SDK2: variants seen among roughly 807,000 people sequenced by gnomAD.
SDK2 encodes protein sidekick-2.
In SDK2, 105 loss-of-function variants were observed where a neutral mutation model predicts 253.9. The observed-to-expected ratio is 0.41, with a 90% confidence interval of 0.35 to 0.49. The LOEUF is 0.49. SDK2 is among the 20% of genes least tolerant of loss of function. The pLI, the probability that SDK2 is intolerant of heterozygous loss-of-function variation, is 0.06. For missense variants in SDK2, 2,608 were observed against 3,003.0 expected (o/e 0.87, Z 3.07); for synonymous variants, 1,249 against 1,234.9 (o/e 1.01, Z -0.24).
intron 26 of SDK2, among the ~76,000 whole-genome samples, 181 bp downstream of exon 26, chr17:73,394,025 GCCT>G (rs1479834942): frequency 6.6e-6 from 1 of 152,210 alleles, no homozygotes. Flanking sequence ...CTTTCTGGGT[GCCT>G]CCTCACCCAC....
intron 1 of SDK2, among the ~76,000 whole-genome samples, chr17:73,573,712 G>A (rs1242171956): frequency 2.0e-5 from 3 of 152,236 alleles, no homozygotes; most frequent in Non-Finnish European, 2.9e-5. Context: ...CCACATGGCA[G>A]CCAGAGGGAT....
intron 39 of SDK2, 132 bp from the exon 40 acceptor site, chr17:73,358,336 A>G: frequency 8.2e-7 from 1 of 1,222,730 alleles, no homozygotes; most frequent in Admixed American, 2.6e-5. Flanking sequence ...AAGCCCTGCA[A>G]ATGTCGCGGC....
At chr17:73,392,066 C>G (rs929352342) in intron 27 of SDK2, among the ~76,000 whole-genome samples, 2 of 152,162 alleles carry the variant, frequency 1.3e-5, no homozygotes, top group Non-Finnish European at 2.9e-5. Flanking sequence ...CACATCCACC[C>G]TCCTGAGGGT....
At chr17:73,399,578 G>A (rs2063005435) in intron 21 of SDK2, among the ~76,000 whole-genome samples, 1 of 152,184 alleles carries the variant, frequency 6.6e-6, no homozygotes, top group South Asian at 2.1e-4. Flanking sequence ...CCTTCTTCCT[G>A]GCAGTTCTGG....
rs911721814 is a variant in SDK2 at position 73,616,869 on chromosome 17, G to A, written c.64+27156C>T. Reference sequence around the variant, plus strand: ...ACACAGAAGCCCCTTCTGAAGTGGGGATAGCTGAGAATGCAGAGGGGAGAC... The same window carrying A: ...ACACAGAAGCCCCTTCTGAAGTGGGAATAGCTGAGAATGCAGAGGGGAGAC... On this transcript the variant is annotated intron_variant, in intron 1 of 44. Transcript: ENST00000392650. The surrounding 1 kb of genome is among the most constrained non-coding windows in gnomAD (Gnocchi z 5.2). Among the ~76,000 whole-genome samples, 13 of 152,146 alleles carry A rather than the reference G, an allele frequency of 8.5e-5. No homozygotes were observed. The highest frequency in any genetic ancestry group is 5.9e-4 in the Admixed American group (9 of 15,270).
intron 36 of SDK2, chr17:73,369,059 A>G: frequency 5.0e-6 from 2 of 400,186 alleles, no homozygotes; most frequent in Non-Finnish European, 1.0e-5. Flanking sequence ...ACCTTTCTGG[A>G]ACCTTCCTTT....
intron 1 of SDK2, among the ~76,000 whole-genome samples, chr17:73,600,044 G>C (rs1306288608): frequency 6.6e-6 from 1 of 152,234 alleles, no homozygotes; most frequent in Non-Finnish European, 1.5e-5. Flanking sequence ...TTCTCAAACA[G>C]TGGTTGCTAA....
At chr17:73,568,768 C>A (rs2045342036) in intron 1 of SDK2, among the ~76,000 whole-genome samples, 1 of 142,860 alleles carries the variant, frequency 7.0e-6, no homozygotes, top group African/African-American at 2.8e-5. Flanking sequence ...TCAATGAACC[C>A]CAAGCAGGAT....
intron 1 of SDK2, among the ~76,000 whole-genome samples, chr17:73,514,066 A>C (rs933352954): frequency 6.6e-6 from 1 of 152,180 alleles, no homozygotes. Context: ...TTACTTATCT[A>C]TGATCAGATA....
intron 28 of SDK2, 74 bp from the exon 29 acceptor site, chr17:73,390,555 C>T (rs1215722647): frequency 1.8e-5 from 26 of 1,432,704 alleles, no homozygotes; most frequent in Admixed American, 2.1e-5. Context: ...AGGGTTGTTC[C>T]GTCCAAAGCC....
intron 1 of SDK2, among the ~76,000 whole-genome samples, chr17:73,515,847 T>C (rs898772578): frequency 2.0e-5 from 3 of 152,122 alleles, no homozygotes; most frequent in Non-Finnish European, 4.4e-5. Context: ...GCCTTACCTG[T>C]CTCATCAGTG....
chr17:73,555,818 C>T (rs1190331486), intron 1 of SDK2, among the ~76,000 whole-genome samples: 1 of 152,190 alleles, frequency 6.6e-6, no homozygotes, highest in African/African-American at 2.4e-5. Flanking sequence ...AAAAAGCAAA[C>T]ACGGGACTGA....
At chr17:73,382,212 C>T (rs2062836750) in intron 33 of SDK2, among the ~76,000 whole-genome samples, 1 of 107,414 alleles carries the variant, frequency 9.3e-6, no homozygotes, top group Non-Finnish European at 2.2e-5. Flanking sequence ...AGTGAAAACT[C>T]CATTTCAAAA....
rs144624908 is a variant in SDK2 at position 73,613,515 on chromosome 17, G to T, written c.64+30510C>A. 2.6e-5 allele frequency among the ~76,000 whole-genome samples: 4 copies of T among 152,146 alleles called. No homozygotes were observed. The East Asian group carries it at 7.7e-4, about 29-fold the overall frequency. On this transcript the variant is annotated intron_variant, in intron 1 of 44. Transcript: ENST00000392650. ...AGGATGTTCTAATCCCATTTCATCCGCTTTCCATGGCTGTCAGCTGTTTGC... is the reference window on the plus strand; with the variant it reads ...AGGATGTTCTAATCCCATTTCATCCTCTTTCCATGGCTGTCAGCTGTTTGC...
chr17:73,590,145 G>A (rs1288661379), intron 1 of SDK2, among the ~76,000 whole-genome samples: 2 of 152,236 alleles, frequency 1.3e-5, no homozygotes, highest in East Asian at 3.8e-4. Context: ...CTTTGAGAAG[G>A]GGGAGGCAAT....
At chr17:73,488,862 G>A (rs953991383) in intron 2 of SDK2, among the ~76,000 whole-genome samples, 12 of 151,968 alleles carry the variant, frequency 7.9e-5, no homozygotes, top group Admixed American at 7.9e-4. Flanking sequence ...TCCCCCGTAA[G>A]CCCTTTGTTT....
intron 39 of SDK2, among the ~76,000 whole-genome samples, chr17:73,358,919 G>C (rs147174250): frequency 7.9e-5 from 12 of 152,112 alleles, no homozygotes; most frequent in African/African-American, 2.4e-4. Context: ...GGGCCAGTGA[G>C]GGAGCCGGCC....
intron 3 of SDK2, among the ~76,000 whole-genome samples, chr17:73,468,317 A>G (rs1171155090): frequency 6.6e-6 from 1 of 152,156 alleles, no homozygotes; most frequent in East Asian, 1.9e-4. Flanking sequence ...AGCTGGCTAG[A>G]CGCTTTGGCA....
At position 73,445,101 on chromosome 17, in the gene SDK2, G is replaced by A. The variant is rs569309506; in HGVS notation, c.613+2514C>T. ...ATAAATTTTGTGAAATCTAAATACAGATCACGTATTTCGGGTGAAAATTTC... is the reference window on the plus strand; with the variant it reads ...ATAAATTTTGTGAAATCTAAATACAAATCACGTATTTCGGGTGAAAATTTC... On this transcript the variant is annotated intron_variant, in intron 5 of 44. Coordinates refer to ENST00000392650, the MANE Select transcript of SDK2 (RefSeq NM_001144952.2). Among the ~76,000 whole-genome samples, 166 of 152,296 alleles carry A rather than the reference G, an allele frequency of 1.1e-3. 1 individual carries two copies. The highest frequency in any genetic ancestry group is 3.8e-3 in the African/African-American group (160 of 41,570).
Sources: allele counts gnomAD v4.1 joint callset (sites outside exome capture counted in the v4.1 genomes callset), GRCh38; gene constraint gnomAD v4.1.1; non-coding constraint Gnocchi (gnomAD v3.1); transcripts MANE v1.5; gene names NCBI Gene and HGNC (gene_info 2026-07-23, HGNC 2026-07-21).